Variants in GFPT1 observed in about 807,000 individuals in gnomAD.
The protein encoded by GFPT1 is glutamine--fructose-6-phosphate aminotransferase [isomerizing] 1.
In GFPT1, 40 loss-of-function variants were observed where a neutral mutation model predicts 92.0. That is an observed-to-expected ratio of 0.43 (90% CI 0.34 to 0.57). GFPT1 has a LOEUF of 0.57. GFPT1 is among the 20% of genes least tolerant of loss of function. The pLI is 0.02. For synonymous variants in GFPT1, 269 were observed against 280.6 expected, an observed-to-expected ratio of 0.96 and a Z score of 0.41; for missense variants, 448 against 869.1, an observed-to-expected ratio of 0.52 and a Z score of 6.09.
At chr2:69,379,950 C>T (rs1437605451) in intron 1 of GFPT1, among the ~76,000 whole-genome samples, 1 of 152,002 alleles carries the variant, frequency 6.6e-6, no homozygotes, top group Non-Finnish European at 1.5e-5. Context: ...AACTCCTGGA[C>T]TCAAGCGATC....
intron 3 of GFPT1, among the ~76,000 whole-genome samples, chr2:69,366,540 C>T (rs150811442): frequency 6.6e-6 from 1 of 152,302 alleles, no homozygotes; most frequent in Non-Finnish European, 1.5e-5. Flanking sequence ...ATCTATTTCA[C>T]TGTTGCTACC....
rs1435693047 is a variant in GFPT1 at position 69,328,349 on chromosome 2, C to T, written c.1815G>A (p.Met605Ile). The change falls in exon 18 of 20, where the codon ATG becomes ATA. Residue 605 changes from methionine to isoleucine, a missense_variant. Met to Ile is a conservative substitution (Grantham distance 10). Around this residue, in one of 7 missense-constraint regions of GFPT1, gnomAD observed 5 missense variants for 46.8 expected, o/e 0.11. Coordinates refer to ENST00000357308, the MANE Select transcript of GFPT1 (RefSeq NM_001244710.2). ...CTCTCATGATGATCATGATCACAGG[C>T]ATCAATTTATCCACCAAAGCCAGAG... is the stretch of plus-strand genomic sequence containing the variant. ...HGPLALVDKL[M>I]PVIMIIMRDH... 1 of 1,613,048 alleles carries T rather than the reference C, an allele frequency of 6.2e-7. No homozygotes were observed. Among genetic ancestry groups the T allele is most frequent in the African/African-American group, 1.3e-5 (1 of 74,886 alleles).
Position 69,326,242 on chromosome 2 carries a change from A to AT in GFPT1, c.2056-10_2056-9insA. 5.9e-6 allele frequency: 9 copies of AT among 1,519,628 alleles called. No individual in the cohort carries two copies. The highest frequency in any genetic ancestry group is 2.3e-5 in the East Asian group (1 of 43,298). 94.1% of individuals were successfully genotyped at this position (1,519,628 alleles called of 1,614,324 possible). On this transcript the variant is annotated splice_polypyrimidine_tract_variant and intron_variant, in intron 19 of 19. Coordinates refer to ENST00000357308, the MANE Select transcript of GFPT1 (RefSeq NM_001244710.2). ...TTCCGTGGGAAATCAACCTGCAAAA[A>AT]GAAAAAAAAAAAAAGCAAGATTTGA...
intron 1 of GFPT1, among the ~76,000 whole-genome samples, chr2:69,379,308 A>G (rs1671951610): frequency 6.6e-6 from 1 of 152,034 alleles, no homozygotes; most frequent in South Asian, 2.1e-4. Flanking sequence ...CGGGAGGATC[A>G]TGGGCAGGAG....
At chr2:69,376,464 A>T (rs1671872759) in intron 1 of GFPT1, among the ~76,000 whole-genome samples, 1 of 152,054 alleles carries the variant, frequency 6.6e-6, no homozygotes, top group African/African-American at 2.4e-5. Context: ...GGTTGCAGTG[A>T]GCCGAGATCG....
intron 2 of GFPT1, among the ~76,000 whole-genome samples, chr2:69,373,094 T>C (rs961981054): frequency 6.6e-6 from 1 of 152,228 alleles, no homozygotes; most frequent in African/African-American, 2.4e-5. Flanking sequence ...AGCTTGTGCC[T>C]AGCTTTCTCA....
chr2:69,350,789 G>C (rs920467364), intron 9 of GFPT1, among the ~76,000 whole-genome samples: 1 of 151,818 alleles, frequency 6.6e-6, no homozygotes, highest in African/African-American at 2.4e-5. Context: ...TATAATCCCA[G>C]CTACTTGGGA....
At chr2:69,339,428 G>A (rs1210722026) in intron 13 of GFPT1, among the ~76,000 whole-genome samples, 2 of 152,170 alleles carry the variant, frequency 1.3e-5, no homozygotes, top group East Asian at 1.9e-4. Flanking sequence ...GTATGCCTCT[G>A]TGCAAAACGT....
chr2:69,360,328 CAAAAAAAAAAA>C (rs576395697), intron 4 of GFPT1, among the ~76,000 whole-genome samples: 4 of 78,456 alleles, frequency 5.1e-5, no homozygotes, highest in African/African-American at 1.5e-4. Flanking sequence ...GATTCTGTCT[CAAAAAAAAAAA>C]AAAAAAAAAA....
Position 69,337,891 on chromosome 2 carries a change from A to T in GFPT1, c.1482+7T>A, listed in dbSNP as rs547371138. ...ATAATCATCAGAGAAATGAGTCAAG[A>T]ATTTACCTTTGTACTGGCCACACCA... On this transcript the variant is annotated splice_region_variant and intron_variant, in intron 15 of 19. Coordinates refer to ENST00000357308, the MANE Select transcript of GFPT1 (RefSeq NM_001244710.2). 24 of 1,611,482 alleles carry T rather than the reference A, an allele frequency of 1.5e-5. 2 individuals are homozygous for T. The South Asian group carries it at 2.6e-4, about 18-fold the overall frequency.
At chr2:69,361,314 G>A (rs1008945562) in intron 4 of GFPT1, among the ~76,000 whole-genome samples, 2 of 151,848 alleles carry the variant, frequency 1.3e-5, no homozygotes. Flanking sequence ...CAGGCGTGGT[G>A]TCAGGCGCCT....
chr2:69,331,000 T>G (rs1332838030), intron 15 of GFPT1, among the ~76,000 whole-genome samples: 1 of 152,230 alleles, frequency 6.6e-6, no homozygotes, highest in African/African-American at 2.4e-5. Flanking sequence ...ATTTTATTGA[T>G]GACAGCTTGA....
chr2:69,326,168 T>C lies in GFPT1; in HGVS notation c.*21A>G. ...TGTGTTGCTTAATCATACAGTTTCGTACATTTTGTATAGATATTCCTCACT... is the reference window on the plus strand; with the variant it reads ...TGTGTTGCTTAATCATACAGTTTCGCACATTTTGTATAGATATTCCTCACT... On this transcript the variant is annotated 3_prime_UTR_variant, in exon 20 of 20. Transcript: ENST00000357308. 1 of 1,523,884 alleles carries C rather than the reference T, an allele frequency of 6.6e-7. No homozygotes were observed. The highest frequency in any genetic ancestry group is 9.1e-7 in the Non-Finnish European group (1 of 1,099,284). The allele number at this position is 1,523,884 out of a possible 1,614,324, so 94.4% of individuals were successfully genotyped here. A position where few individuals can be genotyped will look rare whatever the true frequency, so the allele number is the denominator to read the frequency against.
intron 3 of GFPT1, among the ~76,000 whole-genome samples, chr2:69,364,659 G>A (rs1275082825): frequency 6.6e-6 from 1 of 152,200 alleles, no homozygotes; most frequent in Non-Finnish European, 1.5e-5. Flanking sequence ...AAAGTATGGG[G>A]CTACTGGGAA....
intron 4 of GFPT1, among the ~76,000 whole-genome samples, chr2:69,362,327 A>T (rs938139597): frequency 5.0e-4 from 76 of 152,138 alleles, no homozygotes; most frequent in Non-Finnish European, 6.3e-4. Flanking sequence ...GGATTTTGCC[A>T]TGTTGCTCAG....
chr2:69,354,430 C>T, intron 8 of GFPT1, 59 bp downstream of exon 8: 2 of 1,305,834 alleles, frequency 1.5e-6, no homozygotes, highest in South Asian at 1.2e-5. Flanking sequence ...CCATCTATTC[C>T]AACTTAAGGA....
intron 11 of GFPT1, 70 bp from the exon 12 acceptor site, chr2:69,346,069 G>T: frequency 1.1e-6 from 1 of 882,320 alleles, no homozygotes; most frequent in Non-Finnish European, 1.9e-6. Flanking sequence ...ACAACTAAAA[G>T]TTTCCTTTAA....
chr2:69,350,666 G>A (rs1671183392), intron 9 of GFPT1, among the ~76,000 whole-genome samples: 1 of 152,104 alleles, frequency 6.6e-6, no homozygotes, highest in East Asian at 1.9e-4. Context: ...ACTTTGGAAG[G>A]CCGAGGCAGG....
At chr2:69,352,958 C>G (rs1057296790) in intron 9 of GFPT1, among the ~76,000 whole-genome samples, 8 of 151,826 alleles carry the variant, frequency 5.3e-5, no homozygotes, top group African/African-American at 1.9e-4. Context: ...AGGCATGAGA[C>G]TCGCTTGAAC....
Sources: gnomAD v4.1 joint callset for allele counts (sites outside exome capture counted in the v4.1 genomes callset) on GRCh38, gnomAD v4.1.1 for gene constraint, gnomAD v4.1.1 regional missense constraint, MANE v1.5 for transcripts, NCBI Gene and HGNC (gene_info 2026-07-23, HGNC 2026-07-21) for gene names.